The following GLIS3 variants were observed in gnomAD, a reference collection of about 807,000 sequenced individuals.
GLIS3 encodes the protein zinc finger protein GLIS3.
GLIS3 carries 53 observed loss-of-function variants against 78.6 expected under a neutral mutation model. The observed-to-expected ratio is 0.67, with a 90% CI of 0.54 to 0.85. GLIS3 has a LOEUF of 0.85. GLIS3 is among the 40% of genes least tolerant of loss of function. GLIS3 has a pLI of 0.00. For synonymous variants in GLIS3, 684 were observed against 509.9 expected, an observed-to-expected ratio of 1.34 and a Z score of -4.60; for missense variants, 1,703 against 1,231.1, an observed-to-expected ratio of 1.38 and a Z score of -5.74.
At chr9:4,464,190 C>T in the GLIS3 span, among the ~76,000 whole-genome samples, 3 of 152,052 alleles carry the variant, frequency 2.0e-5, no homozygotes, top group Non-Finnish European at 4.4e-5. Flanking sequence ...TAAAACCTCT[C>T]TAACGTTGCT....
chr9:4,235,459 A>G (rs964187109), intron 2 of GLIS3, among the ~76,000 whole-genome samples: 1 of 152,194 alleles, frequency 6.6e-6, no homozygotes, highest in African/African-American at 2.4e-5. Context: ...ACTTGATCTC[A>G]GTCATTCAGC....
At chr9:4,026,043 G>C (rs1823311886) in intron 4 of GLIS3, among the ~76,000 whole-genome samples, 1 of 152,144 alleles carries the variant, frequency 6.6e-6, no homozygotes, top group Admixed American at 6.5e-5. Context: ...TATGCTTTGA[G>C]TCTAATCATA....
At chr9:4,241,467 G>A (rs780415044) in intron 2 of GLIS3, among the ~76,000 whole-genome samples, 7 of 151,924 alleles carry the variant, frequency 4.6e-5, no homozygotes, top group Non-Finnish European at 8.8e-5. Context: ...TAATTCAAAC[G>A]TTTCTACCTT....
chr9:3,838,814 A>T (rs1382101847), intron 9 of GLIS3, among the ~76,000 whole-genome samples: 1 of 152,164 alleles, frequency 6.6e-6, no homozygotes, highest in Admixed American at 6.5e-5. Context: ...CTTCTCCAAC[A>T]CTCGGGATAT....
Position 3,898,643 on chromosome 9 carries a change from G to A in GLIS3, c.2128+48C>T, listed in dbSNP as rs746619651. ...AGCATTCCTTTTAACCAGAGTAAAA[G>A]GCCTAAAAAAGGGTAGTTGTGGTTG... On this transcript the variant is annotated intron_variant, in intron 7 of 10. Transcript: ENST00000381971. 2.4e-5 allele frequency: 38 copies of A among 1,611,666 alleles called. No homozygotes were observed. The South Asian group carries it at 3.5e-4, about 15-fold the overall frequency.
intron 2 of GLIS3, among the ~76,000 whole-genome samples, chr9:4,239,531 C>A (rs1823098731): frequency 6.6e-6 from 1 of 152,134 alleles, no homozygotes; most frequent in Non-Finnish European, 1.5e-5. Context: ...GACAACCATC[C>A]CAACACATCA....
intron 2 of GLIS3, among the ~76,000 whole-genome samples, chr9:4,140,499 G>C (rs1257791189): frequency 6.6e-6 from 1 of 152,194 alleles, no homozygotes; most frequent in Non-Finnish European, 1.5e-5. Context: ...CTCAGACCCA[G>C]AGGGAAGGAA....
intron 2 of GLIS3, among the ~76,000 whole-genome samples, chr9:4,181,652 G>A (rs10814860): frequency 0.073 from 11,140 of 152,282 alleles, 523 homozygotes; most frequent in East Asian, 0.22. Flanking sequence ...ACTGAGAGGT[G>A]GAATCTATCT....
rs764863612 is a variant in GLIS3 at position 3,966,435 on chromosome 9, C to CTTTTT, written c.1711-29247_1711-29246insAAAAA. Among the ~76,000 whole-genome samples the CTTTTT allele has an allele frequency of 3.7e-3, 552 of 150,800 alleles. 2 individuals are homozygous for CTTTTT. The highest frequency in any genetic ancestry group is 0.011 in the African/African-American group (445 of 40,890). Reference sequence around the variant, plus strand: ...TAAATTTGACTTCAATGATGCAAAGCCTTTTTTTTTTCAGATAATGCTAAT... The same window carrying CTTTTT: ...TAAATTTGACTTCAATGATGCAAAGCTTTTTCTTTTTTTTTTCAGATAATGCTAAT... On this transcript the variant is annotated intron_variant, in intron 4 of 10. Coordinates refer to ENST00000381971, the MANE Select transcript of GLIS3 (RefSeq NM_001042413.2).
rs576131322 is a variant in GLIS3, at chr9:4,187,316, C to T, written c.389-61375G>A. Among the ~76,000 whole-genome samples the T allele has an allele frequency of 5.3e-5, 8 of 152,204 alleles. No homozygotes were observed. The South Asian group carries it at 1.5e-3, about 28-fold the overall frequency. ...AGATCAGATACTTGTAGATATGCTG[C>T]GTTATTTCTGAGGGCTCTGTTCTGT... is the stretch of plus-strand genomic sequence containing the variant. On this transcript the variant is annotated intron_variant, in intron 2 of 10. Transcript: ENST00000381971.
chr9:4,175,503 A>G (rs1171811415), intron 2 of GLIS3, among the ~76,000 whole-genome samples: 1 of 152,142 alleles, frequency 6.6e-6, no homozygotes, highest in Non-Finnish European at 1.5e-5. Context: ...ACTTTTATAT[A>G]TCCTTTGAGA....
chr9:4,291,524 A>C (rs1369313536), intron 1 of GLIS3, among the ~76,000 whole-genome samples: 1 of 152,292 alleles, frequency 6.6e-6, no homozygotes, highest in East Asian at 1.9e-4. Context: ...TGGCCATGTC[A>C]CTTTAAATTT....
At chr9:4,004,653 G>T (rs1359801994) in intron 4 of GLIS3, among the ~76,000 whole-genome samples, 4 of 152,156 alleles carry the variant, frequency 2.6e-5, no homozygotes, top group Admixed American at 2.6e-4. Context: ...CAGCTCTCTT[G>T]GTTTAGGGGA....
intron 2 of GLIS3, among the ~76,000 whole-genome samples, chr9:4,197,022 A>G (rs889906690): frequency 1.3e-5 from 2 of 152,078 alleles, no homozygotes; most frequent in African/African-American, 4.8e-5. Flanking sequence ...ACGGACATAG[A>G]TCGTGGTGCA....
chr9:4,161,079 T>TAAAA (rs59854446), intron 2 of GLIS3, among the ~76,000 whole-genome samples: 3 of 135,820 alleles, frequency 2.2e-5, no homozygotes, highest in Admixed American at 7.4e-5. Flanking sequence ...CCCCATCTCT[T>TAAAA]AAAAAAAAAA....
chr9:4,027,064 A>G (rs1823408093), intron 4 of GLIS3, among the ~76,000 whole-genome samples: 1 of 152,216 alleles, frequency 6.6e-6, no homozygotes. Context: ...ACCCTGCCCC[A>G]TCTTTCTCTC....
At chr9:4,411,414 C>T in the GLIS3 span, among the ~76,000 whole-genome samples, 1 of 152,164 alleles carries the variant, frequency 6.6e-6, no homozygotes, top group Admixed American at 6.6e-5. Context: ...GGTCGTGATA[C>T]AGATGACCCA....
the GLIS3 span, among the ~76,000 whole-genome samples, chr9:4,463,639 A>G: frequency 2.0e-5 from 3 of 152,230 alleles, no homozygotes; most frequent in African/African-American, 7.2e-5. Flanking sequence ...TAACCCGAAT[A>G]AACCTCAAAT....
intron 4 of GLIS3, among the ~76,000 whole-genome samples, chr9:3,953,795 C>CTCTCTCTCTCTATATA (rs1403671770): frequency 3.5e-4 from 26 of 73,326 alleles, no homozygotes; most frequent in African/African-American, 1.4e-3. Flanking sequence ...CTCTCTCTCT[C>CTCTCTCTCTCTATATA]TATATATATA....
Sources: allele counts gnomAD v4.1 joint callset (sites outside exome capture counted in the v4.1 genomes callset), GRCh38; gene constraint gnomAD v4.1.1; transcripts MANE v1.5; gene names NCBI Gene and HGNC (gene_info 2026-07-23, HGNC 2026-07-21).